ATP5MC2: variants seen among roughly 807,000 people sequenced by gnomAD.
ATP5MC2 encodes the protein ATP synthase membrane subunit c locus 2.
A neutral mutation model predicts 13.5 loss-of-function variants in ATP5MC2; 11 were observed. That is an observed-to-expected ratio of 0.81 (90% CI 0.51 to 1.35). The LOEUF is 1.35. Ranked by LOEUF, ATP5MC2 falls within the 40% of genes most tolerant of loss-of-function variation. The pLI, the probability that ATP5MC2 is intolerant of heterozygous loss-of-function variation, is 0.00. For synonymous variants in ATP5MC2, 64 were observed against 69.7 expected, an observed-to-expected ratio of 0.92 and a Z score of 0.41; for missense variants, 132 against 175.0, an observed-to-expected ratio of 0.75 and a Z score of 1.39.
At chr12:53,672,418 C>T (rs1945128338) in intron 2 of ATP5MC2, among the ~76,000 whole-genome samples, 158 bp downstream of exon 2, 1 of 152,052 alleles carries the variant, frequency 6.6e-6, no homozygotes, top group Admixed American at 6.6e-5. Flanking sequence ...GATGGGGTTT[C>T]GCCATGTTGG....
At chr12:53,672,251 T>A (rs995885290) in intron 2 of ATP5MC2, among the ~76,000 whole-genome samples, 1 of 152,142 alleles carries the variant, frequency 6.6e-6, no homozygotes, top group Admixed American at 6.6e-5. Flanking sequence ...AGACAGAGTC[T>A]TGCTCTGACG....
At chr12:53,675,847 C>T (rs761932071) in intron 1 of ATP5MC2, among the ~76,000 whole-genome samples, 2 of 152,238 alleles carry the variant, frequency 1.3e-5, no homozygotes, top group Admixed American at 6.5e-5. Context: ...CCCTGCGAGA[C>T]ATCCAAGATG....
chr12:53,674,654 T>C (rs1945213272), intron 1 of ATP5MC2, among the ~76,000 whole-genome samples: 1 of 152,234 alleles, frequency 6.6e-6, no homozygotes, highest in Non-Finnish European at 1.5e-5. Context: ...ATTTATTTTT[T>C]GCCCAGGCTA....
At chr12:53,676,309 G>A (rs115088970), upstream of ATP5MC2, 1,200 of 1,474,196 alleles carry the variant, frequency 8.1e-4, 3 homozygotes, top group African/African-American at 0.013. Context: ...CGCGGAGTAA[G>A]CCGATCCGTA....
rs1180535648 is a variant in ATP5MC2, at chr12:53,672,457, A to G, written c.39+119T>C. Reference sequence around the variant, plus strand: ...GGCTGGTTTTGAACTCCTGGCCTCAAGTGATCTGCCCGCCTGGACCTCCTC... The same window carrying G: ...GGCTGGTTTTGAACTCCTGGCCTCAGGTGATCTGCCCGCCTGGACCTCCTC... On this transcript the variant is annotated intron_variant, in intron 2 of 4. Coordinates refer to ENST00000394349, the MANE Select transcript of ATP5MC2 (RefSeq NM_005176.7). The G allele has an allele frequency of 4.1e-5, 45 of 1,100,780 alleles. No individual in the cohort carries two copies. The East Asian group carries it at 1.2e-3, about 28-fold the overall frequency. 68.2% of individuals were successfully genotyped at this position (1,100,780 alleles called of 1,614,324 possible).
At position 53,669,851 on chromosome 12, in the gene ATP5MC2, C is replaced by G; in HGVS notation, c.117+20G>C. The G allele has an allele frequency of 6.2e-7, 1 of 1,613,340 alleles. No individual in the cohort carries two copies. The highest frequency in any genetic ancestry group is 1.1e-5 in the South Asian group (1 of 91,012). On this transcript the variant is annotated intron_variant, in intron 3 of 4. Transcript: ENST00000394349. ...ACCCATCACCCCCAAAACCACAGTCCCAACTCCACTGTAAGGTACCTCATC... is the reference window on the plus strand; with the variant it reads ...ACCCATCACCCCCAAAACCACAGTCGCAACTCCACTGTAAGGTACCTCATC...
intron 4 of ATP5MC2, among the ~76,000 whole-genome samples, chr12:53,667,557 C>T (rs910620806): frequency 4.6e-5 from 7 of 151,700 alleles, no homozygotes; most frequent in African/African-American, 7.3e-5. Flanking sequence ...AGTGCAGTGG[C>T]GTGATCTCTA....
intron 4 of ATP5MC2, 147 bp downstream of exon 4, chr12:53,669,001 G>C: frequency 1.7e-6 from 2 of 1,170,712 alleles, no homozygotes; most frequent in Non-Finnish European, 2.2e-6. Context: ...CTGGGAAACA[G>C]AGCGTTACTG....
chr12:53,666,891 G>A (rs796136415), intron 4 of ATP5MC2, among the ~76,000 whole-genome samples: 1 of 150,728 alleles, frequency 6.6e-6, no homozygotes, highest in African/African-American at 2.4e-5. Flanking sequence ...GATTGCAGTG[G>A]GCTGAGATTG....
At chr12:53,666,359 C>T (rs903907382) in intron 4 of ATP5MC2, among the ~76,000 whole-genome samples, 4 of 152,012 alleles carry the variant, frequency 2.6e-5, no homozygotes, top group Non-Finnish European at 4.4e-5. Flanking sequence ...GGGCAGATCA[C>T]GAGGTCAGGA....
intron 4 of ATP5MC2, 115 bp downstream of exon 4, chr12:53,669,033 A>G: frequency 7.3e-7 from 1 of 1,366,364 alleles, no homozygotes; most frequent in Non-Finnish European, 9.6e-7. Context: ...ACAAACAAAC[A>G]AACAACATGT....
At chr12:53,676,473 A>G (rs1281185295), upstream of ATP5MC2, 3 of 363,102 alleles carry the variant, frequency 8.3e-6, no homozygotes, top group Non-Finnish European at 1.5e-5. Flanking sequence ...CCTAAAATGC[A>G]GCAGGAGGAA....
At chr12:53,673,825 A>G in intron 1 of ATP5MC2, 1 of 190,998 alleles carries the variant, frequency 5.2e-6, no homozygotes, top group South Asian at 6.5e-5. Context: ...GTCTCAAAAA[A>G]AAAAAAAAAA....
At chr12:53,677,798 C>G (rs1012419672), upstream of ATP5MC2, among the ~76,000 whole-genome samples, 10 of 152,194 alleles carry the variant, frequency 6.6e-5, no homozygotes, top group African/African-American at 2.2e-4. Context: ...TGGTGCCAGG[C>G]ACTGTGGAGA....
upstream of ATP5MC2, chr12:53,676,973 C>A (rs760706878): frequency 1.7e-4 from 26 of 152,480 alleles, no homozygotes; most frequent in Non-Finnish European, 3.1e-4. Context: ...ACCTGCCCTG[C>A]CCTTTGGAAC....
chr12:53,676,907 G>A (rs915258487), upstream of ATP5MC2: 1 of 152,572 alleles, frequency 6.6e-6, no homozygotes, highest in Non-Finnish European at 1.5e-5. Context: ...ATGGAAGGAG[G>A]TGGGGGAGGC....
In ATP5MC2 at chr12:53,669,189, C is replaced by T. The variant is rs764954776; in HGVS notation, c.270G>A (p.Gly90=). Residue 90 remains glycine, a synonymous_variant, in exon 4 of 5, where the codon GGG becomes GGA. Coordinates refer to ENST00000394349, the MANE Select transcript of ATP5MC2 (RefSeq NM_005176.7). ...TGAGGCTCCCAAACACAGTTCCAATCCCAGCCCCAGAACCAGCCACCCCAA... is the reference window on the plus strand; with the variant it reads ...TGAGGCTCCCAAACACAGTTCCAATTCCAGCCCCAGAACCAGCCACCCCAA... ...ATVGVAGSGA[G]IGTVFGSLII... 33 of 1,613,634 alleles carry T rather than the reference C, an allele frequency of 2.0e-5. 1 individual carries two copies. In the South Asian group the frequency reaches 3.5e-4, roughly 17 times the overall value.
upstream of ATP5MC2, among the ~76,000 whole-genome samples, chr12:53,680,789 C>T (rs1945336224): frequency 6.6e-6 from 1 of 152,160 alleles, no homozygotes; most frequent in Non-Finnish European, 1.5e-5. Flanking sequence ...ATGTGCTAGG[C>T]ACTGTTCTTG....
At chr12:53,672,520 AAG>A (rs1244357860) in intron 2 of ATP5MC2, 54 bp downstream of exon 2, 6 of 1,497,062 alleles carry the variant, frequency 4.0e-6, no homozygotes, top group African/African-American at 2.8e-5. Flanking sequence ...GTCTGATGGA[AAG>A]AGAGAGACAA....
Sources: allele counts gnomAD v4.1 joint callset (sites outside exome capture counted in the v4.1 genomes callset), GRCh38; gene constraint gnomAD v4.1.1; transcripts MANE v1.5; gene names NCBI Gene and HGNC (gene_info 2026-07-23, HGNC 2026-07-21).